The following PTK2 variants were observed in gnomAD, a reference collection of about 807,000 sequenced individuals.
The protein encoded by PTK2 is protein tyrosine kinase 2.
Under a neutral mutation model 150.1 loss-of-function variants are expected in PTK2, and 45 were observed. The observed-to-expected ratio is 0.30, with a 90% CI of 0.24 to 0.38. PTK2 has a LOEUF of 0.38. Ranked by LOEUF, PTK2 falls within the 10% of genes least tolerant of loss-of-function variation. PTK2 has a pLI of 1.00. For missense variants in PTK2, 919 were observed against 1,307.3 expected (o/e 0.70, Z 4.58); for synonymous variants, 432 against 449.2 (o/e 0.96, Z 0.48).
At chr8:140,666,547 C>T (rs1237065463) in intron 30 of PTK2, among the ~76,000 whole-genome samples, 8 of 152,134 alleles carry the variant, frequency 5.3e-5, no homozygotes, top group Admixed American at 5.2e-4. Flanking sequence ...ATACACTTCA[C>T]ATCCATTAGG....
intron 5 of PTK2, among the ~76,000 whole-genome samples, chr8:140,846,936 T>C (rs1183850256): frequency 6.6e-6 from 1 of 152,168 alleles, no homozygotes; most frequent in Non-Finnish European, 1.5e-5. Flanking sequence ...GTGTCGGTAA[T>C]TATGCCTGAT....
chr8:140,789,537 C>T lies in PTK2; in HGVS notation c.1125-11G>A, dbSNP rs1257740008. ...TCGCTGTTGGCCAACCTGTGACAGA[C>T]AAGAGCAAAGCTGTAAGCCCTGCAA... On this transcript the variant is annotated splice_polypyrimidine_tract_variant and intron_variant, in intron 13 of 31. Coordinates refer to ENST00000522684, the Ensembl canonical transcript of PTK2. 6.2e-7 allele frequency: 1 copy of T among 1,612,106 alleles called. No homozygotes were observed. The highest frequency in any genetic ancestry group is 1.1e-5 in the South Asian group (1 of 90,812).
intron 2 of PTK2, among the ~76,000 whole-genome samples, chr8:140,902,620 T>C (rs1249035348): frequency 6.6e-6 from 1 of 152,202 alleles, no homozygotes; most frequent in Admixed American, 6.5e-5. Context: ...CTCCAGCTTC[T>C]GTTGTTTCCT....
intron 1 of PTK2, among the ~76,000 whole-genome samples, chr8:140,965,206 G>C (rs1372435566): frequency 4.6e-5 from 7 of 152,158 alleles, no homozygotes; most frequent in African/African-American, 7.2e-5. Context: ...TCTCAGCACT[G>C]TCTCTTATGA....
chr8:140,732,766 T>C (rs2154377670), intron 22 of PTK2: 1 of 286,946 alleles, frequency 3.5e-6, no homozygotes, highest in South Asian at 3.0e-5. Context: ...TATAGCAGCA[T>C]AGGGTAAGCC....
intron 27 of PTK2, among the ~76,000 whole-genome samples, chr8:140,678,033 C>A (rs73714721): frequency 7.2e-5 from 11 of 152,026 alleles, no homozygotes; most frequent in African/African-American, 2.7e-4. Context: ...AGGAACTACA[C>A]GTTTTTTGGT....
At chr8:140,973,687 TCAAGG>T (rs1342625265) in intron 1 of PTK2, among the ~76,000 whole-genome samples, 2 of 152,226 alleles carry the variant, frequency 1.3e-5, no homozygotes, top group Non-Finnish European at 2.9e-5. Context: ...ATCTGATTTC[TCAAGG>T]CAATTCCTTA....
intron 1 of PTK2, among the ~76,000 whole-genome samples, chr8:140,959,998 C>G (rs934949286): frequency 1.3e-5 from 2 of 148,974 alleles, no homozygotes; most frequent in African/African-American, 5.0e-5. Context: ...ACTGGGCAAA[C>G]AGTGAGACTC....
intron 4 of PTK2, among the ~76,000 whole-genome samples, chr8:140,868,960 T>C (rs1599571533): frequency 6.6e-6 from 1 of 152,328 alleles, no homozygotes; most frequent in African/African-American, 2.4e-5. Context: ...TTTTACTAGC[T>C]ATATTATTTA....
intron 1 of PTK2, among the ~76,000 whole-genome samples, chr8:140,961,411 C>T (rs745418514): frequency 2.0e-5 from 3 of 152,246 alleles, no homozygotes; most frequent in African/African-American, 7.2e-5. Flanking sequence ...CCTGTAATCC[C>T]AGCACTTTTG....
chr8:140,669,864 T>C (rs750842919), intron 29 of PTK2, 129 bp from the exon 33 acceptor site: 52 of 1,101,838 alleles, frequency 4.7e-5, no homozygotes, highest in Admixed American at 1.8e-4. Flanking sequence ...AAAAAGGAGC[T>C]AGTTTCCAAG....
At chr8:140,800,660 C>T in intron 11 of PTK2, 84 bp from the exon 12 acceptor site, 1 of 1,002,964 alleles carries the variant, frequency 1.0e-6, no homozygotes, top group Non-Finnish European at 1.6e-6. Context: ...TCAGACATCT[C>T]TATACACTTG....
chr8:140,812,036 T>G (rs2100101883), intron 10 of PTK2, among the ~76,000 whole-genome samples: 1 of 151,990 alleles, frequency 6.6e-6, no homozygotes, highest in Admixed American at 6.6e-5. Context: ...GCTAGAGAAG[T>G]CAACATTCAA....
At chr8:140,724,473 T>A (rs747090565) in intron 22 of PTK2, among the ~76,000 whole-genome samples, 2 of 152,190 alleles carry the variant, frequency 1.3e-5, no homozygotes, top group Non-Finnish European at 2.9e-5. Context: ...TTATTAAATA[T>A]GGGAAGAAAA....
At chr8:140,755,595 C>G (rs1192048933) in intron 16 of PTK2, among the ~76,000 whole-genome samples, 1 of 152,294 alleles carries the variant, frequency 6.6e-6, no homozygotes, top group South Asian at 2.1e-4. Flanking sequence ...TCTTTCTGAG[C>G]ATCCCATGTG....
At chr8:140,879,713 CA>C (rs1555303293) in intron 3 of PTK2, 76 bp from the exon 4 acceptor site, 2 of 1,009,496 alleles carry the variant, frequency 2.0e-6, no homozygotes, top group African/African-American at 3.3e-5. Flanking sequence ...CAAAACAAAA[CA>C]AAAACAAAAC....
At chr8:140,915,093 G>C (rs935980792) in intron 2 of PTK2, among the ~76,000 whole-genome samples, 1 of 150,416 alleles carries the variant, frequency 6.6e-6, no homozygotes, top group Admixed American at 6.6e-5. Flanking sequence ...GCAGCAATGA[G>C]CAGGACAGAT....
chr8:140,906,874 T>C (rs1032814441), intron 2 of PTK2, among the ~76,000 whole-genome samples: 4 of 152,320 alleles, frequency 2.6e-5, no homozygotes, highest in Middle Eastern at 3.4e-3. Flanking sequence ...CATCACATAT[T>C]GTATACAGGT....
chr8:140,927,141 AAC>A (rs1213298181), intron 1 of PTK2, among the ~76,000 whole-genome samples: 1 of 152,218 alleles, frequency 6.6e-6, no homozygotes, highest in Non-Finnish European at 1.5e-5. Context: ...TATGTTATAA[AAC>A]AGAGTTTTTT....
Sources: allele counts gnomAD v4.1 joint callset (sites outside exome capture counted in the v4.1 genomes callset), GRCh38; gene constraint gnomAD v4.1.1; transcripts MANE v1.5; gene names NCBI Gene and HGNC (gene_info 2026-07-23, HGNC 2026-07-21).